Variants in APLF observed in about 807,000 individuals in gnomAD.
APLF encodes aprataxin and PNK-like factor.
APLF carries 61 observed loss-of-function variants against 55.6 expected under a neutral mutation model. That is an observed-to-expected ratio of 1.10 (90% CI 0.89 to 1.36). The LOEUF (loss-of-function observed/expected upper bound fraction) is 1.36. APLF is among the 40% of genes most tolerant of loss of function. The pLI is 0.00. For missense variants in APLF, 611 were observed against 602.5 expected (o/e 1.01, Z -0.15); for synonymous variants, 207 against 214.8 (o/e 0.96, Z 0.32).
intron 7 of APLF, among the ~76,000 whole-genome samples, chr2:68,542,931 G>A (rs1321925330): frequency 1.3e-5 from 2 of 151,998 alleles, no homozygotes; most frequent in Non-Finnish European, 1.5e-5. Flanking sequence ...AAGAAAATTT[G>A]GTATATACAT....
intron 8 of APLF, among the ~76,000 whole-genome samples, chr2:68,549,424 T>G (rs761942487): frequency 5.3e-5 from 8 of 152,106 alleles, no homozygotes; most frequent in Non-Finnish European, 1.0e-4. Flanking sequence ...AAGTCTACTT[T>G]GATATTTATA....
chr2:68,528,150 T>C (rs1670134120), intron 6 of APLF: 1 of 619,454 alleles, frequency 1.6e-6, no homozygotes. Flanking sequence ...CAGGCAGAGA[T>C]GCTCCTCAGG....
chr2:68,552,809 A>ATAAATAAT (rs1229246116), intron 8 of APLF, among the ~76,000 whole-genome samples: 1 of 152,164 alleles, frequency 6.6e-6, no homozygotes, highest in Non-Finnish European at 1.5e-5. Context: ...GTGCTAATAA[A>ATAAATAAT]AACTTTCATG....
intron 8 of APLF, among the ~76,000 whole-genome samples, chr2:68,559,447 T>A (rs867153782): frequency 3.6e-4 from 55 of 152,296 alleles, no homozygotes; most frequent in Middle Eastern, 6.8e-3. Context: ...CCACTTTGTG[T>A]AATAGGTAGA....
At chr2:68,516,895 T>C (rs534534467) in intron 5 of APLF, among the ~76,000 whole-genome samples, 15 of 131,484 alleles carry the variant, frequency 1.1e-4, no homozygotes, top group Non-Finnish European at 1.7e-4. Context: ...TATAATATAA[T>C]AATATATTAT....
chr2:68,519,871 A>T (rs1182604295), intron 5 of APLF, among the ~76,000 whole-genome samples: 1 of 151,708 alleles, frequency 6.6e-6, no homozygotes, highest in African/African-American at 2.4e-5. Flanking sequence ...ATCTACTTTT[A>T]GTTGTTTAAG....
chr2:68,532,150 A>C (rs1030133796), intron 6 of APLF, among the ~76,000 whole-genome samples: 3 of 152,180 alleles, frequency 2.0e-5, no homozygotes, highest in Non-Finnish European at 4.4e-5. Flanking sequence ...GAACCTTTAG[A>C]ACAGCTAGTC....
chr2:68,485,297 A>G (rs1459883549), intron 1 of APLF, among the ~76,000 whole-genome samples: 1 of 152,108 alleles, frequency 6.6e-6, no homozygotes, highest in Non-Finnish European at 1.5e-5. Flanking sequence ...CTGTGAGTCC[A>G]GGCCAGTTAT....
chr2:68,554,418 G>T (rs1434099800), intron 8 of APLF, among the ~76,000 whole-genome samples: 1 of 151,972 alleles, frequency 6.6e-6, no homozygotes, highest in Non-Finnish European at 1.5e-5. Context: ...TAATTTGAAA[G>T]AACTAATTGG....
chr2:68,563,349 T>C, intron 8 of APLF: 5 of 983,182 alleles, frequency 5.1e-6, no homozygotes, highest in Non-Finnish European at 6.0e-6. Flanking sequence ...AATGTAACAC[T>C]TCTTTCATAG....
chr2:68,536,360 GA>G (rs1670386405), intron 6 of APLF, among the ~76,000 whole-genome samples: 1 of 152,130 alleles, frequency 6.6e-6, no homozygotes, highest in Admixed American at 6.5e-5. Flanking sequence ...CTTAAAAAAT[GA>G]AATATCTTCT....
chr2:68,529,334 A>G lies in APLF; in HGVS notation c.804+3092A>G. The G allele has an allele frequency of 7.4e-7, 1 of 1,347,428 alleles. No homozygotes were observed. The highest frequency in any genetic ancestry group is 9.5e-7 in the Non-Finnish European group (1 of 1,050,586). The allele number at this position is 1,347,428 out of a possible 1,614,324, so 83.5% of individuals were successfully genotyped here. On this transcript the variant is annotated intron_variant, in intron 6 of 9. Transcript: ENST00000303795. The surrounding 1 kb of genome is among the most constrained non-coding windows in gnomAD (Gnocchi z 4.4). ...ACAGCCAAAGAGTCCTGGGGCAGGC[A>G]CAGGTGCAGGAGCCGCGGGGTGAGC...
intron 5 of APLF, among the ~76,000 whole-genome samples, chr2:68,517,504 C>T (rs1189245147): frequency 7.2e-6 from 1 of 138,700 alleles, no homozygotes; most frequent in Non-Finnish European, 1.5e-5. Context: ...AATATGTTAT[C>T]ACTATATATT....
At chr2:68,475,984 G>A (rs968339357) in intron 1 of APLF, among the ~76,000 whole-genome samples, 10 of 148,652 alleles carry the variant, frequency 6.7e-5, no homozygotes, top group African/African-American at 2.2e-4. Flanking sequence ...TTTTTTTTAG[G>A]TTTATGCATT....
At chr2:68,532,938 T>C (rs1214520219) in intron 6 of APLF, among the ~76,000 whole-genome samples, 1 of 152,080 alleles carries the variant, frequency 6.6e-6, no homozygotes. Flanking sequence ...TAAAAAGGGA[T>C]TGTGAAGCTG....
chr2:68,543,283 A>G (rs1013703808), intron 7 of APLF, among the ~76,000 whole-genome samples: 3 of 152,190 alleles, frequency 2.0e-5, no homozygotes, highest in South Asian at 2.1e-4. Context: ...TATACTTAAC[A>G]TTACTGAACT....
chr2:68,545,383 C>G, intron 8 of APLF, 71 bp downstream of exon 8: 3 of 1,494,484 alleles, frequency 2.0e-6, no homozygotes, highest in Non-Finnish European at 2.7e-6. Context: ...GAGAAACTGA[C>G]AGCAGCTTGT....
intron 6 of APLF, chr2:68,528,313 C>T: frequency 7.0e-7 from 1 of 1,432,888 alleles, no homozygotes; most frequent in Non-Finnish European, 9.5e-7. Context: ...TTAACACCCT[C>T]ATGTTCTTAC....
intron 1 of APLF, among the ~76,000 whole-genome samples, chr2:68,480,872 T>C (rs960337553): frequency 6.6e-6 from 1 of 152,226 alleles, no homozygotes; most frequent in African/African-American, 2.4e-5. Context: ...TGAGATCATA[T>C]GGTTTTTGTC....
Sources: allele counts gnomAD v4.1 joint callset (sites outside exome capture counted in the v4.1 genomes callset), GRCh38; gene constraint gnomAD v4.1.1; non-coding constraint Gnocchi (gnomAD v3.1); transcripts MANE v1.5; gene names NCBI Gene and HGNC (gene_info 2026-07-23, HGNC 2026-07-21).